ACADM: variants seen among roughly 807,000 people sequenced by gnomAD.
ACADM encodes the protein acyl-CoA dehydrogenase medium chain.
Under a neutral mutation model 58.9 loss-of-function variants are expected in ACADM, and 49 were observed. The ratio of observed to expected loss-of-function variants is 0.83; its 90% CI spans 0.66 to 1.06. The LOEUF is 1.06. Among genes scored for constraint, ACADM ranks in the 50% least tolerant of loss-of-function variants. ACADM has a pLI of 0.00. For synonymous variants in ACADM, 160 were observed against 157.7 expected (o/e 1.01, Z -0.11); for missense variants, 496 against 507.0 (o/e 0.98, Z 0.21).
At chr1:75,761,621 T>G (rs1648867396) in intron 11 of ACADM, 1 of 477,364 alleles carries the variant, frequency 2.1e-6, no homozygotes, top group Non-Finnish European at 3.7e-6. Flanking sequence ...TTAGATTTCT[T>G]TGAGTTTTAA....
chr1:75,730,654 C>A (rs931092526), intron 2 of ACADM, among the ~76,000 whole-genome samples: 4 of 151,384 alleles, frequency 2.6e-5, no homozygotes, highest in Non-Finnish European at 5.9e-5. Context: ...GCAGTTAGGA[C>A]AATAGGTCCA....
At chr1:75,746,789 G>A (rs556763663) in intron 8 of ACADM, among the ~76,000 whole-genome samples, 1 of 152,048 alleles carries the variant, frequency 6.6e-6, no homozygotes, top group African/African-American at 2.4e-5. Context: ...TGTAGAGACA[G>A]GGTTGTGCTG....
intron 2 of ACADM, 113 bp from the exon 3 acceptor site, chr1:75,732,531 C>T (rs1279847479): frequency 2.3e-6 from 2 of 876,236 alleles, no homozygotes; most frequent in Admixed American, 1.8e-5. Context: ...GTCTGAGTTT[C>T]TGATAATCAA....
chr1:75,762,755 A>C lies in ACADM; in HGVS notation c.1258A>C (p.Lys420Gln), dbSNP rs1648924500. The change falls in exon 12 of 12, where the codon AAA becomes CAA. Residue 420 changes from lysine to glutamine, a missense_variant. Transcript: ENST00000370841. ...IVAREHIDKY[K>Q]N ...AGCCCGTGAACACATTGACAAGTAC[A>C]AAAATTAAAAAAATTACTGTAGAAA... 1 of 1,566,824 alleles carries C rather than the reference A, an allele frequency of 6.4e-7. No individual in the cohort carries two copies.
chr1:75,732,580 C>A, intron 2 of ACADM, 64 bp from the exon 3 acceptor site: 2 of 1,253,874 alleles, frequency 1.6e-6, no homozygotes, highest in Non-Finnish European at 2.3e-6. Flanking sequence ...TTTCTACATA[C>A]TGACTTCATA....
At chr1:75,737,279 A>AATATATATATATAT (rs368688785) in intron 6 of ACADM, among the ~76,000 whole-genome samples, 6 of 43,122 alleles carry the variant, frequency 1.4e-4, no homozygotes, top group Non-Finnish European at 2.0e-4. Context: ...CACACACACA[A>AATATATATATATAT]ATATATATAT....
At chr1:75,732,957 A>C in intron 4 of ACADM, 35 bp downstream of exon 4, 1 of 1,613,014 alleles carries the variant, frequency 6.2e-7, no homozygotes, top group East Asian at 2.2e-5. Context: ...ACTGGAATGC[A>C]TATGAGTAAG....
At chr1:75,737,288 A>ATATATATATG (rs1557448373) in intron 6 of ACADM, among the ~76,000 whole-genome samples, 9 of 73,178 alleles carry the variant, frequency 1.2e-4, no homozygotes, top group African/African-American at 5.1e-4. Context: ...AAATATATAT[A>ATATATATATG]TATATATATA....
chr1:75,728,048 AC>A (rs1204239149), intron 1 of ACADM, among the ~76,000 whole-genome samples: 2 of 151,876 alleles, frequency 1.3e-5, no homozygotes, highest in African/African-American at 4.8e-5. Flanking sequence ...CGTTCTCCCC[AC>A]CCCAACTCTC....
intron 7 of ACADM, chr1:75,743,538 G>A: frequency 5.0e-6 from 8 of 1,605,942 alleles, no homozygotes; most frequent in Non-Finnish European, 6.8e-6. Flanking sequence ...CGTACATCAT[G>A]GGCTGCACCT....
intron 9 of ACADM, among the ~76,000 whole-genome samples, 153 bp downstream of exon 9, chr1:75,749,712 CTTTTTTTT>C (rs35897798): frequency 8.5e-6 from 1 of 118,162 alleles, no homozygotes; most frequent in African/African-American, 3.4e-5. Flanking sequence ...ACTTTTCTTT[CTTTTTTTT>C]TTTTTTTTTT....
Position 75,762,795 on chromosome 1 carries a change from A to C in ACADM, c.*32A>C, listed in dbSNP as rs1412040419. ...TACTGTAGAAATATTGAATAACTAGAACACAAGCCACTGTTTCAGCTCCAG... is the reference window on the plus strand; with the variant it reads ...TACTGTAGAAATATTGAATAACTAGCACACAAGCCACTGTTTCAGCTCCAG... On this transcript the variant is annotated 3_prime_UTR_variant, in exon 12 of 12. Transcript: ENST00000370841. 7.5e-7 allele frequency: 1 copy of C among 1,336,382 alleles called. No individual in the cohort carries two copies. The highest frequency in any genetic ancestry group is 1.1e-6 in the Non-Finnish European group (1 of 934,874). 82.8% of individuals were successfully genotyped at this position (1,336,382 alleles called of 1,614,324 possible).
At chr1:75,732,614 T>A (rs1647165017) in intron 2 of ACADM, 30 bp from the exon 3 acceptor site, 2 of 1,544,902 alleles carry the variant, frequency 1.3e-6, no homozygotes, top group South Asian at 2.2e-5. Context: ...TGTTATCCAG[T>A]TTTAACTTTT....
chr1:75,762,205 A>G (rs1465553944), intron 11 of ACADM, among the ~76,000 whole-genome samples: 1 of 152,196 alleles, frequency 6.6e-6, no homozygotes, highest in Admixed American at 6.5e-5. Flanking sequence ...ACGAATGGCT[A>G]AAGTTAGAAG....
intron 7 of ACADM, among the ~76,000 whole-genome samples, chr1:75,742,361 C>T (rs189897921): frequency 9.2e-5 from 14 of 152,192 alleles, no homozygotes; most frequent in African/African-American, 2.7e-4. Context: ...CCACTATCTA[C>T]TAACACCCTC....
At chr1:75,742,418 C>T (rs1443012379) in intron 7 of ACADM, among the ~76,000 whole-genome samples, 2 of 152,164 alleles carry the variant, frequency 1.3e-5, no homozygotes, top group Non-Finnish European at 2.9e-5. Context: ...CTGTGTCCTG[C>T]AGAGGAAGAG....
intron 2 of ACADM, among the ~76,000 whole-genome samples, chr1:75,729,509 TTTTC>T (rs201738114): frequency 0.079 from 10,145 of 129,208 alleles, 1,171 homozygotes; most frequent in African/African-American, 0.28. Context: ...AAATTTTCTC[TTTTC>T]TTTTTTTTGA....
At chr1:75,752,835 A>G (rs1557460298) in intron 10 of ACADM, among the ~76,000 whole-genome samples, 1 of 152,262 alleles carries the variant, frequency 6.6e-6, no homozygotes, top group East Asian at 1.9e-4. Flanking sequence ...TTTGTAAACA[A>G]CTTACCTGCA....
At chr1:75,761,595 G>C (rs1204879569) in intron 11 of ACADM, 37 of 547,872 alleles carry the variant, frequency 6.8e-5, no homozygotes, top group Admixed American at 1.3e-4. Context: ...GTACAGACAT[G>C]TGTATTACGT....
Sources: allele counts gnomAD v4.1 joint callset (sites outside exome capture counted in the v4.1 genomes callset), GRCh38; gene constraint gnomAD v4.1.1; transcripts MANE v1.5; gene names NCBI Gene and HGNC (gene_info 2026-07-23, HGNC 2026-07-21).